The following PTPRT variants were observed in gnomAD, a reference collection of about 807,000 sequenced individuals.
The protein encoded by PTPRT is receptor-type tyrosine-protein phosphatase T.
Under a neutral mutation model 176.8 loss-of-function variants are expected in PTPRT, and 56 were observed. The observed-to-expected ratio is 0.32, with a 90% CI of 0.26 to 0.40. The LOEUF (loss-of-function observed/expected upper bound fraction) is 0.40. PTPRT is among the 10% of genes least tolerant of loss of function. The pLI is 1.00. For missense variants in PTPRT, 1,540 were observed against 1,908.2 expected (o/e 0.81, Z 3.60); for synonymous variants, 783 against 739.0 (o/e 1.06, Z -0.96).
At chr20:42,045,452 A>C in the PTPRT span, among the ~76,000 whole-genome samples, 1 of 150,928 alleles carries the variant, frequency 6.6e-6, no homozygotes, top group Non-Finnish European at 1.5e-5. Context: ...CGAAGTTTGC[A>C]TCCTAGATTA....
At chr20:43,030,185 T>C (rs1252124717) in intron 1 of PTPRT, among the ~76,000 whole-genome samples, 2 of 152,216 alleles carry the variant, frequency 1.3e-5, no homozygotes, top group Non-Finnish European at 2.9e-5. Flanking sequence ...AGGTACTGGA[T>C]TGGGCAGGGA....
At chr20:42,720,863 G>C (rs1275746723) in intron 6 of PTPRT, among the ~76,000 whole-genome samples, 1 of 152,104 alleles carries the variant, frequency 6.6e-6, no homozygotes, top group Non-Finnish European at 1.5e-5. Flanking sequence ...CTAGAGAGTT[G>C]GGGTCCAGTA....
intron 1 of PTPRT, among the ~76,000 whole-genome samples, chr20:42,907,713 G>A (rs1052197515): frequency 6.6e-6 from 1 of 152,088 alleles, no homozygotes; most frequent in African/African-American, 2.4e-5. Context: ...TGCATCAACA[G>A]TACTTGAAGT....
In PTPRT at chr20:42,149,212, G is replaced by A. The variant is rs576336380; in HGVS notation, c.2683-7210C>T. On this transcript the variant is annotated intron_variant, in intron 17 of 30. Transcript: ENST00000373187. ...CTGGGGAAGGAATGTTCCATTCAGAGGGAACAGCAAGTGCGGAGGCCCTGG... is the reference window on the plus strand; with the variant it reads ...CTGGGGAAGGAATGTTCCATTCAGAAGGAACAGCAAGTGCGGAGGCCCTGG... Among the ~76,000 whole-genome samples the A allele has an allele frequency of 4.6e-5, 7 of 152,254 alleles. No homozygotes were observed. In the Middle Eastern group the frequency reaches 0.014, roughly 296 times the overall value.
chr20:42,856,354 G>A lies in PTPRT; in HGVS notation c.214+29453C>T, dbSNP rs1049086276. ...CCACTGATATAGTGGTCAAGTAGAG[G>A]GGGAAAAGTACAAGACTTAAAGGAA... On this transcript the variant is annotated intron_variant, in intron 2 of 30. Coordinates refer to ENST00000373187, the MANE Select transcript of PTPRT (RefSeq NM_007050.6). Among the ~76,000 whole-genome samples, 8 of 152,074 alleles carry A rather than the reference G, an allele frequency of 5.3e-5. No homozygotes were observed. The South Asian group carries it at 1.5e-3, about 28-fold the overall frequency.
At chr20:42,114,489 C>T (rs908220787) in intron 22 of PTPRT, among the ~76,000 whole-genome samples, 1 of 152,208 alleles carries the variant, frequency 6.6e-6, no homozygotes, top group African/African-American at 2.4e-5. Context: ...CATCCTTGCT[C>T]ACCAAGCTTG....
chr20:42,646,867 C>T (rs1208190187), intron 7 of PTPRT, among the ~76,000 whole-genome samples: 1 of 146,920 alleles, frequency 6.8e-6, no homozygotes. Flanking sequence ...TCTAGAGATC[C>T]CAACCTAAGA....
chr20:42,900,958 G>C (rs2079393866), intron 1 of PTPRT, among the ~76,000 whole-genome samples: 1 of 152,108 alleles, frequency 6.6e-6, no homozygotes, highest in Non-Finnish European at 1.5e-5. Flanking sequence ...TGCTCTCCCA[G>C]GACTGATTGT....
chr20:43,037,792 A>G (rs1600666143), intron 1 of PTPRT, among the ~76,000 whole-genome samples: 2 of 152,316 alleles, frequency 1.3e-5, no homozygotes, highest in Middle Eastern at 6.8e-3. Flanking sequence ...CCTTGTTCCA[A>G]TAGAGACAGC....
chr20:43,156,590 C>T (rs748288652), intron 1 of PTPRT, among the ~76,000 whole-genome samples: 1 of 152,110 alleles, frequency 6.6e-6, no homozygotes, highest in Non-Finnish European at 1.5e-5. Context: ...TCCTGAGACC[C>T]CACCCCACCA....
chr20:42,443,279 A>C (rs1166891884), intron 9 of PTPRT, among the ~76,000 whole-genome samples: 1 of 152,208 alleles, frequency 6.6e-6, no homozygotes, highest in Non-Finnish European at 1.5e-5. Flanking sequence ...TTTATGCTTT[A>C]ATGTACACAT....
At chr20:42,409,551 G>A (rs1315740024) in intron 9 of PTPRT, among the ~76,000 whole-genome samples, 4 of 141,934 alleles carry the variant, frequency 2.8e-5, no homozygotes, top group Admixed American at 7.2e-5. Context: ...TATCAACAAT[G>A]TCTTGCATTA....
chr20:42,254,288 T>G (rs1600733035), intron 13 of PTPRT, among the ~76,000 whole-genome samples: 2 of 152,154 alleles, frequency 1.3e-5, no homozygotes, highest in Non-Finnish European at 2.9e-5. Context: ...GCCTTGCTAC[T>G]CAAAAAGTGG....
intron 4 of PTPRT, among the ~76,000 whole-genome samples, chr20:42,779,511 C>T (rs2077184123): frequency 6.6e-6 from 1 of 152,186 alleles, no homozygotes; most frequent in South Asian, 2.1e-4. Flanking sequence ...TCAGTCCCCC[C>T]AACCAAATGT....
chr20:42,353,673 A>T (rs144967059), intron 9 of PTPRT, among the ~76,000 whole-genome samples: 1 of 152,322 alleles, frequency 6.6e-6, no homozygotes, highest in Non-Finnish European at 1.5e-5. Context: ...TCACACTTTG[A>T]GTGTCACATC....
chr20:43,124,550 C>G lies in PTPRT; in HGVS notation c.88+65096G>C, dbSNP rs142495195. On this transcript the variant is annotated intron_variant, in intron 1 of 30. Transcript: ENST00000373187. ...TGAGACTAGACTTAATGAGTAGTCA[C>G]ACAAAACATAATTCAGAAGATAAAT... Among the ~76,000 whole-genome samples, 346 of 152,296 alleles carry G rather than the reference C, an allele frequency of 2.3e-3. 1 individual carries two copies. The highest frequency in any genetic ancestry group is 4.4e-3 in the Admixed American group (68 of 15,294).
chr20:42,685,945 G>A (rs2075683634), intron 6 of PTPRT: 2 of 151,982 alleles, frequency 1.3e-5, no homozygotes, highest in Non-Finnish European at 1.5e-5. Context: ...ATCTGCCCAG[G>A]TAGCAGGAGT....
chr20:42,241,902 C>G (rs1278226969), intron 14 of PTPRT, among the ~76,000 whole-genome samples: 1 of 152,080 alleles, frequency 6.6e-6, no homozygotes, highest in African/African-American at 2.4e-5. Context: ...TATATTTAAT[C>G]CAGATTAGAT....
chr20:42,518,170 A>T (rs892063941), intron 7 of PTPRT, among the ~76,000 whole-genome samples: 1 of 152,040 alleles, frequency 6.6e-6, no homozygotes, highest in Non-Finnish European at 1.5e-5. Context: ...TTGTCGGTAT[A>T]TTAATGGTTA....
Sources: allele counts gnomAD v4.1 joint callset (sites outside exome capture counted in the v4.1 genomes callset), GRCh38; gene constraint gnomAD v4.1.1; transcripts MANE v1.5; gene names NCBI Gene and HGNC (gene_info 2026-07-23, HGNC 2026-07-21).